Variants in GPR155 observed in about 807,000 individuals in gnomAD.
The protein encoded by GPR155 is lysosomal cholesterol signaling protein.
GPR155 carries 65 observed loss-of-function variants against 93.1 expected under a neutral mutation model. The ratio of observed to expected loss-of-function variants is 0.70; its 90% confidence interval spans 0.57 to 0.86. The LOEUF (loss-of-function observed/expected upper bound fraction) is 0.86. Ranked by LOEUF, GPR155 falls within the 40% of genes least tolerant of loss-of-function variation. The pLI is 0.00. For synonymous variants in GPR155, 319 were observed against 360.1 expected, an observed-to-expected ratio of 0.89 and a Z score of 1.29; for missense variants, 838 against 1,034.8, an observed-to-expected ratio of 0.81 and a Z score of 2.61.
At chr2:174,444,486 CTTTTTTTTT>C (rs71024807) in intron 13 of GPR155, among the ~76,000 whole-genome samples, 2 of 89,604 alleles carry the variant, frequency 2.2e-5, no homozygotes, top group Non-Finnish European at 4.2e-5. Context: ...CCAAAGTGAC[CTTTTTTTTT>C]TTTTTTTTTT....
chr2:174,453,986 A>G, intron 10 of GPR155, 145 bp from the exon 11 acceptor site: 1 of 615,206 alleles, frequency 1.6e-6, no homozygotes, highest in Non-Finnish European at 2.9e-6. Flanking sequence ...TATCTATCCA[A>G]AAGTATTCAA....
At position 174,473,089 on chromosome 2, in the gene GPR155, C is replaced by T; in HGVS notation, c.736G>A (p.Asp246Asn). The T allele has an allele frequency of 6.2e-7, 1 of 1,601,104 alleles. No individual in the cohort carries two copies. Among genetic ancestry groups the T allele is most frequent in the Non-Finnish European group, 8.5e-7 (1 of 1,177,196 alleles). ...CCAGAAAAAGAATTTCCAAGTCCAT[C>T]AAGAAAATTTTCGACATATACAGGT... ...KVPVYVENFL[D>N]GLGNSFSGSA... The change falls in exon 3 of 16, where the codon GAT becomes AAT. Residue 246 changes from aspartate to asparagine, a missense_variant. Coordinates refer to ENST00000392552, the MANE Select transcript of GPR155 (RefSeq NM_152529.7).
chr2:174,443,695 G>A (rs1687033266), intron 13 of GPR155, among the ~76,000 whole-genome samples: 1 of 151,878 alleles, frequency 6.6e-6, no homozygotes. Flanking sequence ...ATGCACTCCA[G>A]CCTGGATGAC....
At chr2:174,466,765 G>C (rs1319159370) in intron 5 of GPR155, 138 bp from the exon 6 acceptor site, 1 of 561,966 alleles carries the variant, frequency 1.8e-6, no homozygotes, top group Non-Finnish European at 3.2e-6. Flanking sequence ...TATTTAATCT[G>C]TCTAGTTCCA....
chr2:174,469,217 T>C, intron 4 of GPR155, 150 bp from the exon 5 acceptor site: 1 of 598,932 alleles, frequency 1.7e-6, no homozygotes, highest in Non-Finnish European at 2.8e-6. Context: ...AATACCATAC[T>C]TCCCCTTTCT....
At position 174,433,619 on chromosome 2, in the gene GPR155, A is replaced by G. The variant is rs1306913102; in HGVS notation, c.*2497T>C. The stretch of plus-strand genomic sequence containing the variant: ...AGGGCCTTTGAGAGGTTATTAGATC[A>G]TGAGGGTGGAGCCTATTGAGTGGAA... On this transcript the variant is annotated 3_prime_UTR_variant, in exon 16 of 16. Transcript: ENST00000392552. The G allele has an allele frequency of 7.1e-6, 1 of 139,942 alleles. No homozygotes were observed. Among genetic ancestry groups the G allele is most frequent in the African/African-American group, 2.5e-5 (1 of 40,620 alleles). The allele number at this position is 139,942 out of a possible 1,614,324, so 8.7% of individuals were successfully genotyped here.
In GPR155 at chr2:174,445,895, C is replaced by CT. The variant is rs869126506; in HGVS notation, c.2013+715dup. Among the ~76,000 whole-genome samples, 1,190 of 143,902 alleles carry CT rather than the reference C, an allele frequency of 8.3e-3. 9 individuals carry two copies. The highest frequency in any genetic ancestry group is 0.027 in the African/African-American group (1,086 of 40,090). 94.4% of individuals were successfully genotyped at this position (143,902 alleles called of 152,430 possible). ...ATGTTCTGAGAGGTTTTTTGGTTTT[C>CT]TTTTTTTTTTTCTGGTGGACACTGA... On this transcript the variant is annotated intron_variant, in intron 12 of 15. Transcript: ENST00000392552.
Position 174,435,917 on chromosome 2 carries a change from C to G in GPR155, c.*199G>C. On this transcript the variant is annotated 3_prime_UTR_variant, in exon 16 of 16. Transcript: ENST00000392552. ...ATTTGGTTTTCTCTTTTTCCTAAGT[C>G]AGCTTCCTATGTGTTTTACATACAT... The G allele has an allele frequency of 1.9e-6, 1 of 538,878 alleles. No homozygotes were observed. Among genetic ancestry groups the G allele is most frequent in the Non-Finnish European group, 3.3e-6 (1 of 303,620 alleles). 33.4% of individuals were successfully genotyped at this position (538,878 alleles called of 1,614,324 possible).
chr2:174,459,611 G>A (rs573365475), intron 10 of GPR155, among the ~76,000 whole-genome samples: 1 of 152,188 alleles, frequency 6.6e-6, no homozygotes, highest in Non-Finnish European at 1.5e-5. Context: ...GTGGGAGGCC[G>A]AGGCGGGTGA....
intron 13 of GPR155, among the ~76,000 whole-genome samples, chr2:174,443,535 C>T (rs1454644189): frequency 6.6e-6 from 1 of 152,072 alleles, no homozygotes; most frequent in African/African-American, 2.4e-5. Context: ...TCAAGACCAG[C>T]CTGGCCAACA....
At chr2:174,462,066 G>T (rs968020175) in intron 7 of GPR155, among the ~76,000 whole-genome samples, 1 of 152,032 alleles carries the variant, frequency 6.6e-6, no homozygotes, top group African/African-American at 2.4e-5. Context: ...CTCCTGAGTA[G>T]CTGGGACCAC....
chr2:174,468,562 C>T lies in GPR155; in HGVS notation c.1182+350G>A, dbSNP rs192295027. Reference sequence around the variant, plus strand: ...TTTTCACATATATTATTTCATGTAACCCCTTAAAAAACCCATGGAAATATG... The same window carrying T: ...TTTTCACATATATTATTTCATGTAATCCCTTAAAAAACCCATGGAAATATG... On this transcript the variant is annotated intron_variant, in intron 5 of 15. Transcript: ENST00000392552. Among the ~76,000 whole-genome samples the T allele has an allele frequency of 4.1e-3, 621 of 152,180 alleles. 2 individuals carry two copies. The highest frequency in any genetic ancestry group is 0.014 in the African/African-American group (591 of 41,526).
Position 174,434,156 on chromosome 2 carries a change from A to G in GPR155, c.*1960T>C, listed in dbSNP as rs1686709339. On this transcript the variant is annotated 3_prime_UTR_variant, in exon 16 of 16. Coordinates refer to ENST00000392552, the MANE Select transcript of GPR155 (RefSeq NM_152529.7). ...TTTTTTTTTTTTTTTTTTTTAGTAG[A>G]GATGGGGTTTCACCACATTGGCCAG... The G allele has an allele frequency of 7.1e-6, 1 of 140,638 alleles. No homozygotes were observed. Among genetic ancestry groups the G allele is most frequent in the Non-Finnish European group, 1.5e-5 (1 of 65,596 alleles). 8.7% of individuals were successfully genotyped at this position (140,638 alleles called of 1,614,324 possible).
chr2:174,464,939 G>A (rs1240475841), intron 7 of GPR155, among the ~76,000 whole-genome samples: 1 of 152,028 alleles, frequency 6.6e-6, no homozygotes, highest in Non-Finnish European at 1.5e-5. Flanking sequence ...GTCCTTTGTG[G>A]ACACTTCCTG....
At chr2:174,456,330 T>C (rs1450967982) in intron 10 of GPR155, among the ~76,000 whole-genome samples, 1 of 149,842 alleles carries the variant, frequency 6.7e-6, no homozygotes, top group East Asian at 2.0e-4. Context: ...TTTGAGACAG[T>C]GTCTCGCTCC....
intron 5 of GPR155, among the ~76,000 whole-genome samples, chr2:174,467,841 C>T (rs897721008): frequency 9.5e-5 from 2 of 21,026 alleles, no homozygotes; most frequent in African/African-American, 1.3e-4. Context: ...ACTCAAGTGA[C>T]TCTTGTGCCT....
Position 174,460,013 on chromosome 2 carries a change from C to G in GPR155, c.1636G>C (p.Ala546Pro), listed in dbSNP as rs767866904. The change falls in exon 10 of 16, where the codon GCC (alanine) becomes CCC (proline). Residue 546 changes from alanine to proline, a missense_variant. By Grantham distance (27) the Ala-to-Pro change is conservative. Around this residue, in one of 3 missense-constraint regions of GPR155, gnomAD observed 663 missense variants for 790.1 expected, o/e 0.84. Coordinates refer to ENST00000392552, the MANE Select transcript of GPR155 (RefSeq NM_152529.7). ...AAACCTTCATAGCTTCCTGCTTGGG[C>G]AGTCTGGTTCATGCACATGAGGGAT... is the stretch of plus-strand genomic sequence containing the variant. Reference protein sequence around the residue: ...GISLMCMNQTAQAGSYEGFDQ... With the variant: ...GISLMCMNQTPQAGSYEGFDQ... 25 of 1,613,852 alleles carry G rather than the reference C, an allele frequency of 1.5e-5. No homozygotes were observed. The South Asian group carries it at 2.5e-4, about 16-fold the overall frequency.
chr2:174,458,521 C>T (rs1462857609), intron 10 of GPR155, among the ~76,000 whole-genome samples: 1 of 152,204 alleles, frequency 6.6e-6, no homozygotes, highest in Non-Finnish European at 1.5e-5. Flanking sequence ...TCTTAGCCCT[C>T]ACCCAGCTTC....
chr2:174,453,668 GAAA>G, intron 11 of GPR155, 66 bp downstream of exon 11: 11 of 511,640 alleles, frequency 2.1e-5, no homozygotes, highest in East Asian at 1.3e-4. Flanking sequence ...TCAAAAAAAA[GAAA>G]AAAAAAAAAA....
Sources: gnomAD v4.1 joint callset for allele counts (sites outside exome capture counted in the v4.1 genomes callset) on GRCh38, gnomAD v4.1.1 for gene constraint, gnomAD v4.1.1 regional missense constraint, MANE v1.5 for transcripts, NCBI Gene and HGNC (gene_info 2026-07-23, HGNC 2026-07-21) for gene names.